FAM107B: variants seen among roughly 807,000 people sequenced by gnomAD.
FAM107B encodes the protein protein FAM107B.
Under a neutral mutation model 31.5 loss-of-function variants are expected in FAM107B, and 21 were observed. That is an observed-to-expected ratio of 0.67 (90% CI 0.47 to 0.96). FAM107B has a LOEUF of 0.96. Ranked by LOEUF, FAM107B falls within the 40% of genes least tolerant of loss-of-function variation. FAM107B has a pLI of 0.00. For missense variants in FAM107B, 452 were observed against 377.1 expected, an observed-to-expected ratio of 1.20 and a Z score of -1.64; for synonymous variants, 157 against 141.5, an observed-to-expected ratio of 1.11 and a Z score of -0.78.
At chr10:14,649,964 C>T (rs773576671) in intron 2 of FAM107B, among the ~76,000 whole-genome samples, 8 of 152,184 alleles carry the variant, frequency 5.3e-5, no homozygotes, top group Non-Finnish European at 1.2e-4. Flanking sequence ...ATGTCCTGTG[C>T]GTTTCCTCCA....
In FAM107B at chr10:14,644,129, T is replaced by C. The variant is rs115357538; in HGVS notation, c.469+23505A>G. Among the ~76,000 whole-genome samples the C allele has an allele frequency of 5.6e-3, 848 of 152,332 alleles. 9 individuals are homozygous for C. Among genetic ancestry groups the C allele is most frequent in the African/African-American group, 0.019 (775 of 41,562 alleles). On this transcript the variant is annotated intron_variant, in intron 2 of 4. Transcript: ENST00000181796. Reference sequence around the variant, plus strand: ...TCTCACTCTGTACATAATCCTGTTATTGCAGTAAGATAGTAGAATCGTGGG... The same window carrying C: ...TCTCACTCTGTACATAATCCTGTTACTGCAGTAAGATAGTAGAATCGTGGG...
chr10:14,574,919 T>C (rs1057240776), intron 2 of FAM107B, among the ~76,000 whole-genome samples: 6 of 152,106 alleles, frequency 3.9e-5, no homozygotes, highest in Admixed American at 2.6e-4. Flanking sequence ...CCAAAAATCA[T>C]ATTACCCTAG....
chr10:14,590,257 T>C (rs923456214), intron 2 of FAM107B, among the ~76,000 whole-genome samples: 2 of 152,222 alleles, frequency 1.3e-5, no homozygotes, highest in African/African-American at 4.8e-5. Context: ...ACGTTTCTAG[T>C]TTTCACATCT....
intron 1 of FAM107B, among the ~76,000 whole-genome samples, chr10:14,693,731 C>G (rs910159709): frequency 2.0e-5 from 3 of 152,122 alleles, no homozygotes; most frequent in Non-Finnish European, 4.4e-5. Context: ...ACTTTGTACC[C>G]ACTGACCTCC....
intron 3 of FAM107B, chr10:14,530,066 A>G: frequency 2.9e-6 from 1 of 345,476 alleles, no homozygotes; most frequent in Non-Finnish European, 5.5e-6. Context: ...TTCCATCCGA[A>G]TTTGGAAATA....
intron 2 of FAM107B, chr10:14,556,520 G>C: frequency 1.7e-6 from 1 of 598,404 alleles, no homozygotes; most frequent in Non-Finnish European, 2.1e-6. Context: ...ACAAAACAAA[G>C]CCGTGCGCAA....
intron 2 of FAM107B, among the ~76,000 whole-genome samples, chr10:14,610,438 GT>G (rs1222388090): frequency 1.3e-5 from 2 of 152,140 alleles, no homozygotes; most frequent in African/African-American, 4.8e-5. Context: ...TTGCTTAACT[GT>G]TTTGCACAAT....
intron 1 of FAM107B, among the ~76,000 whole-genome samples, chr10:14,750,527 G>A (rs535547671): frequency 2.6e-5 from 4 of 152,280 alleles, no homozygotes; most frequent in South Asian, 2.1e-4. Flanking sequence ...CGGGAGAATC[G>A]CTTGAACCCG....
chr10:14,713,304 T>C (rs2609821), intron 1 of FAM107B, among the ~76,000 whole-genome samples: 38,143 of 152,156 alleles, frequency 0.25, 5,384 homozygotes, highest in African/African-American at 0.38. Context: ...TAATGTTACA[T>C]AGAAAACATT....
intron 2 of FAM107B, among the ~76,000 whole-genome samples, chr10:14,613,499 C>G (rs999511699): frequency 8.5e-5 from 13 of 152,198 alleles, no homozygotes; most frequent in African/African-American, 3.1e-4. Flanking sequence ...CCTTACTAAC[C>G]TGACAGTTTT....
chr10:14,666,312 G>T (rs1854402226), intron 2 of FAM107B, among the ~76,000 whole-genome samples: 1 of 152,178 alleles, frequency 6.6e-6, no homozygotes, highest in African/African-American at 2.4e-5. Flanking sequence ...GGCGGAAGCA[G>T]AAGGAAGCAT....
intron 1 of FAM107B, among the ~76,000 whole-genome samples, chr10:14,740,702 G>C (rs574101511): frequency 1.3e-5 from 2 of 152,216 alleles, no homozygotes; most frequent in African/African-American, 4.8e-5. Context: ...GCACAGGGAG[G>C]GGACAGTAAG....
chr10:14,728,330 GGTGT>G (rs147215549), intron 1 of FAM107B, among the ~76,000 whole-genome samples: 4 of 147,128 alleles, frequency 2.7e-5, no homozygotes, highest in African/African-American at 7.5e-5. Context: ...TGGTATAAGG[GGTGT>G]GTGTGTGTGT....
Position 14,760,567 on chromosome 10 carries a change from T to TATTAAAATTAACATTAAA in FAM107B, c.411+13685_411+13686insTTTAATGTTAATTTTAAT, listed in dbSNP as rs1444476033. Among the ~76,000 whole-genome samples, 1,325 of 152,298 alleles carry TATTAAAATTAACATTAAA rather than the reference T, an allele frequency of 8.7e-3. 16 individuals are homozygous for TATTAAAATTAACATTAAA. The highest frequency in any genetic ancestry group is 0.031 in the African/African-American group (1,269 of 41,546). On this transcript the variant is annotated intron_variant, in intron 1 of 4. Coordinates refer to ENST00000181796, the MANE Select transcript of FAM107B (RefSeq NM_031453.4). ...TGGTCACATTAATGAGACACCAAAC[T>TATTAAAATTAACATTAAA]ATATTAAGCATATTGCCAAGAAGAG...
chr10:14,641,101 G>A (rs149010402), intron 2 of FAM107B, among the ~76,000 whole-genome samples: 4 of 152,282 alleles, frequency 2.6e-5, no homozygotes, highest in East Asian at 1.9e-4. Flanking sequence ...AGGGGAAAAC[G>A]TGCTTTCACC....
chr10:14,752,261 C>T (rs924548844), intron 1 of FAM107B, among the ~76,000 whole-genome samples: 2 of 152,208 alleles, frequency 1.3e-5, no homozygotes, highest in Admixed American at 1.3e-4. Context: ...GACTTGAGGG[C>T]TTCTCCCCTT....
chr10:14,714,422 T>A (rs1244216151), intron 1 of FAM107B, among the ~76,000 whole-genome samples: 1 of 152,122 alleles, frequency 6.6e-6, no homozygotes. Context: ...GGGATGATGG[T>A]GCACCGGAAC....
chr10:14,591,705 A>G (rs567745793), intron 2 of FAM107B, among the ~76,000 whole-genome samples: 1 of 152,336 alleles, frequency 6.6e-6, no homozygotes, highest in East Asian at 1.9e-4. Context: ...GAATCACTAC[A>G]CGTGAGACAG....
intron 1 of FAM107B, among the ~76,000 whole-genome samples, chr10:14,720,848 A>C (rs1029513477): frequency 8.6e-5 from 13 of 151,850 alleles, no homozygotes; most frequent in African/African-American, 2.9e-4. Context: ...TTTTTAATTT[A>C]TTTTTTATTT....
Sources: allele counts gnomAD v4.1 joint callset (sites outside exome capture counted in the v4.1 genomes callset), GRCh38; gene constraint gnomAD v4.1.1; transcripts MANE v1.5; gene names NCBI Gene and HGNC (gene_info 2026-07-23, HGNC 2026-07-21).